TMEM198: variants seen among roughly 807,000 people sequenced by gnomAD.
TMEM198 encodes transmembrane protein 198.
In TMEM198, 21 loss-of-function variants were observed where a neutral mutation model predicts 31.5. That is an observed-to-expected ratio of 0.67 (90% confidence interval 0.47 to 0.96). TMEM198 has a LOEUF of 0.96. Among genes scored for constraint, TMEM198 ranks in the 40% least tolerant of loss-of-function variants. The pLI is 0.00. For synonymous variants in TMEM198, 211 were observed against 223.3 expected, an observed-to-expected ratio of 0.95 and a Z score of 0.49; for missense variants, 447 against 499.4, an observed-to-expected ratio of 0.89 and a Z score of 1.00.
In TMEM198 at chr2:219,544,208, G is replaced by C; in HGVS notation, c.-209G>C. 2.2e-6 allele frequency: 1 copy of C among 462,760 alleles called. No homozygotes were observed. The highest frequency in any genetic ancestry group is 4.4e-6 in the Non-Finnish European group (1 of 227,158). The allele number at this position is 462,760 out of a possible 1,614,324, so 28.7% of individuals were successfully genotyped here. On this transcript the variant is annotated 5_prime_UTR_variant, in exon 1 of 5. Coordinates refer to ENST00000373883, the MANE Select transcript of TMEM198 (RefSeq NM_001005209.3). ...GCCAGCCGGTGTTGGACGTGGAGCG[G>C]CGCCGCCACCGCGCCGACACCATTC... is the stretch of plus-strand genomic sequence containing the variant.
At chr2:219,547,375 C>G in intron 2 of TMEM198, 131 bp from the exon 3 acceptor site, 1 of 700,732 alleles carries the variant, frequency 1.4e-6, no homozygotes, top group Non-Finnish European at 2.1e-6. Context: ...ACTCCAGTGA[C>G]CCTCAATTCT....
In TMEM198 at chr2:219,544,764, C is replaced by T. The variant is rs780512172; in HGVS notation, c.37C>T (p.Leu13=). The stretch of plus-strand genomic sequence containing the variant: ...TGTGGCAACACTGCGGTTCCAGCTG[C>T]TGCCCCCTGAGCCAGATGATGCCTT... ...GTVATLRFQL[L]PPEPDDAFWG... The change falls in exon 2 of 5, where the codon CTG becomes TTG. Residue 13 remains leucine (L), a synonymous_variant. Coordinates refer to ENST00000373883, the MANE Select transcript of TMEM198 (RefSeq NM_001005209.3). The T allele has an allele frequency of 6.2e-7, 1 of 1,614,176 alleles. No individual in the cohort carries two copies. The highest frequency in any genetic ancestry group is 2.2e-5 in the East Asian group (1 of 44,888).
intron 3 of TMEM198, 128 bp from the exon 4 acceptor site, chr2:219,549,024 T>G (rs1200278884): frequency 2.1e-6 from 2 of 945,884 alleles, no homozygotes; most frequent in South Asian, 3.2e-5. Flanking sequence ...AGTGACAGGG[T>G]GGGAGTAAGG....
rs6436156 is a variant in TMEM198, at chr2:219,549,294, C to T, written c.885C>T (p.Asp295=). The stretch of plus-strand genomic sequence containing the variant: ...CTCCTCCCAGGCCTGGGCCACCAGA[C>T]CCTGCTTATCGGCGCAGGCCAGTGC... The part of the protein sequence containing the change: ...PRAPPRPGPP[D]PAYRRRPVPI... The change falls in exon 4 of 5, where the codon GAC becomes GAT. Residue 295 remains aspartate (D), a synonymous_variant. Transcript: ENST00000373883. 0.98 allele frequency: 1,587,914 copies of T among 1,613,818 alleles called. 782,618 individuals are homozygous for T. The highest frequency in any genetic ancestry group is 1 in the East Asian group (44,874 of 44,874).
In TMEM198 at chr2:219,549,870, T is replaced by C; in HGVS notation, c.*16T>C. On this transcript the variant is annotated 3_prime_UTR_variant, in exon 5 of 5. Transcript: ENST00000373883. Reference sequence around the variant, plus strand: ...GCGGGTATAGCCATATCTGTCTGTCTAGACTCTGCAGTCACCAGCTCTGCC... The same window carrying C: ...GCGGGTATAGCCATATCTGTCTGTCCAGACTCTGCAGTCACCAGCTCTGCC... 6.2e-7 allele frequency: 1 copy of C among 1,606,886 alleles called. No individual in the cohort carries two copies. Among genetic ancestry groups the C allele is most frequent in the Non-Finnish European group, 8.5e-7 (1 of 1,174,144 alleles).
At chr2:219,549,446 A>G in intron 4 of TMEM198, 92 bp downstream of exon 4, 1 of 1,444,164 alleles carries the variant, frequency 6.9e-7, no homozygotes, top group Non-Finnish European at 9.3e-7. Context: ...GCTGGTTGCT[A>G]TCTAGAAGGC....
intron 2 of TMEM198, 39 bp from the exon 3 acceptor site, chr2:219,547,467 C>T: frequency 7.2e-7 from 1 of 1,391,288 alleles, no homozygotes; most frequent in Non-Finnish European, 9.4e-7. Context: ...AGCCTGGTGC[C>T]CTCATCTTGG....
At chr2:219,547,410 G>C in intron 2 of TMEM198, 96 bp from the exon 3 acceptor site, 1 of 1,005,950 alleles carries the variant, frequency 9.9e-7, no homozygotes. Flanking sequence ...TTTGTCTCTG[G>C]TTCCCCTGGG....
At chr2:219,545,675 C>T (rs1695374742) in intron 2 of TMEM198, among the ~76,000 whole-genome samples, 1 of 152,144 alleles carries the variant, frequency 6.6e-6, no homozygotes. Context: ...TACAGAACTT[C>T]AGAGAGGAGA....
chr2:219,547,066 A>C (rs557838280), intron 2 of TMEM198: 1 of 155,334 alleles, frequency 6.4e-6, no homozygotes, highest in Non-Finnish European at 1.4e-5. Context: ...CCGGCCCTCG[A>C]GTTTATTATG....
intron 3 of TMEM198, among the ~76,000 whole-genome samples, chr2:219,548,835 G>A (rs1035015001): frequency 6.6e-6 from 1 of 152,166 alleles, no homozygotes; most frequent in African/African-American, 2.4e-5. Context: ...GGGGAAACCA[G>A]TGAAGAAGCA....
Position 219,544,754 on chromosome 2 carries a change from G to A in TMEM198, c.27G>A (p.Arg9=), listed in dbSNP as rs143188733. The A allele has an allele frequency of 6.2e-7, 1 of 1,613,976 alleles. No individual in the cohort carries two copies. Among genetic ancestry groups the A allele is most frequent in the African/African-American group, 1.3e-5 (1 of 74,942 alleles). MPGTVATL[R]FQLLPPEPDD... ...TGCCGGGGACTGTGGCAACACTGCG[G>A]TTCCAGCTGCTGCCCCCTGAGCCAG... Residue 9 remains arginine, a synonymous_variant, in exon 2 of 5, where the codon CGG becomes CGA. Transcript: ENST00000373883.
chr2:219,544,666 G>T (rs1695354107), intron 1 of TMEM198, 23 bp from the exon 2 acceptor site: 3 of 1,591,072 alleles, frequency 1.9e-6, no homozygotes. Context: ...ACTCCTCCGT[G>T]ACCCCAACTT....
upstream of TMEM198, chr2:219,543,945 C>T: frequency 2.9e-6 from 1 of 350,350 alleles, no homozygotes. Flanking sequence ...GGCGGAGTCC[C>T]CTGCCTCCCG....
intron 2 of TMEM198, among the ~76,000 whole-genome samples, chr2:219,546,590 A>C (rs1187654252): frequency 6.6e-6 from 1 of 151,952 alleles, no homozygotes; most frequent in Non-Finnish European, 1.5e-5. Flanking sequence ...AAATCGTTTT[A>C]TACTCTCGAT....
In TMEM198 at chr2:219,544,104, G is replaced by C. The variant is rs1050531138; in HGVS notation, c.-313G>C. ...CTCAGGGCATGGGGCCGCGGTTCTG[G>C]GGCGGCCCGAGCCCCGGCTCCTGCG... On this transcript the variant is annotated 5_prime_UTR_variant, in exon 1 of 5. Transcript: ENST00000373883. The C allele has an allele frequency of 1.1e-5, 5 of 447,916 alleles. No homozygotes were observed. The highest frequency in any genetic ancestry group is 8.0e-5 in the African/African-American group (4 of 49,830). The allele number at this position is 447,916 out of a possible 1,614,324, so 27.7% of individuals were successfully genotyped here.
chr2:219,544,438 C>G (rs1018114534), intron 1 of TMEM198, 61 bp downstream of exon 1: 16 of 561,416 alleles, frequency 2.8e-5, no homozygotes, highest in Non-Finnish European at 5.4e-5. Context: ...CTGCCTCCTT[C>G]TCACTGGCAG....
intron 1 of TMEM198, 25 bp from the exon 2 acceptor site, chr2:219,544,664 G>A: frequency 6.3e-7 from 1 of 1,589,596 alleles, no homozygotes; most frequent in Non-Finnish European, 8.6e-7. Flanking sequence ...GGACTCCTCC[G>A]TGACCCCAAC....
At chr2:219,544,453 C>T in intron 1 of TMEM198, 76 bp downstream of exon 1, 1 of 572,192 alleles carries the variant, frequency 1.7e-6, no homozygotes, top group South Asian at 1.8e-5. Flanking sequence ...TGGCAGCACG[C>T]TCCCTTCATC....
Sources: gnomAD v4.1 joint callset for allele counts (sites outside exome capture counted in the v4.1 genomes callset) on GRCh38, gnomAD v4.1.1 for gene constraint, MANE v1.5 for transcripts, NCBI Gene and HGNC (gene_info 2026-07-23, HGNC 2026-07-21) for gene names.